Variants in KHDRBS3 observed in about 807,000 individuals in gnomAD.
KHDRBS3 encodes the protein KH domain-containing, RNA-binding, signal transduction-associated protein 3.
KHDRBS3 carries 23 observed loss-of-function variants against 45.6 expected under a neutral mutation model. The ratio of observed to expected loss-of-function variants is 0.50; its 90% CI spans 0.36 to 0.72. KHDRBS3 has a LOEUF of 0.72. Ranked by LOEUF, KHDRBS3 falls within the 30% of genes least tolerant of loss-of-function variation. The probability of loss-of-function intolerance (pLI) is 0.00; values close to 1 mark genes in which losing one functional copy is unlikely to be tolerated. For synonymous variants in KHDRBS3, 162 were observed against 156.5 expected (o/e 1.04, Z -0.26); for missense variants, 352 against 424.8 (o/e 0.83, Z 1.51).
chr8:135,639,357 G>A (rs1251402129), intron 7 of KHDRBS3, among the ~76,000 whole-genome samples: 1 of 152,154 alleles, frequency 6.6e-6, no homozygotes, highest in African/African-American at 2.4e-5. Context: ...AGGAGGTCAG[G>A]TCAGTGGACA....
chr8:135,539,319 A>T (rs1241983949), intron 2 of KHDRBS3: 1 of 152,286 alleles, frequency 6.6e-6, no homozygotes, highest in East Asian at 1.9e-4. Context: ...AGCTCTCAGG[A>T]CATTCAGTAT....
chr8:135,509,311 C>G (rs16905384), intron 1 of KHDRBS3, among the ~76,000 whole-genome samples: 1 of 152,094 alleles, frequency 6.6e-6, no homozygotes, highest in African/African-American at 2.4e-5. Context: ...CTTTGAGAGT[C>G]GGACAATGCT....
intron 1 of KHDRBS3, among the ~76,000 whole-genome samples, chr8:135,466,691 G>A (rs1210250261): frequency 6.6e-6 from 1 of 152,180 alleles, no homozygotes; most frequent in South Asian, 2.1e-4. Context: ...ACTTGAGTGG[G>A]CTGAGACTTG....
intron 7 of KHDRBS3, among the ~76,000 whole-genome samples, chr8:135,643,417 C>T (rs552175770): frequency 1.3e-5 from 2 of 152,234 alleles, no homozygotes; most frequent in African/African-American, 4.8e-5. Flanking sequence ...GGCATGCTGT[C>T]GTGGGAAACC....
downstream of KHDRBS3, among the ~76,000 whole-genome samples, chr8:135,648,798 C>T (rs945461362): frequency 3.9e-5 from 6 of 151,968 alleles, no homozygotes; most frequent in Non-Finnish European, 7.4e-5. Context: ...TCATTATAAG[C>T]GGCAGAGATT....
intron 2 of KHDRBS3, chr8:135,540,771 A>G (rs1586689267): frequency 6.6e-6 from 1 of 152,194 alleles, no homozygotes; most frequent in Non-Finnish European, 1.5e-5. Context: ...TGATAAAATA[A>G]CTCAGCTGCC....
At chr8:135,471,782 C>G (rs1197799498) in intron 1 of KHDRBS3, among the ~76,000 whole-genome samples, 3 of 152,204 alleles carry the variant, frequency 2.0e-5, no homozygotes, top group Non-Finnish European at 4.4e-5. Context: ...TTACAGTGTG[C>G]AGTGAATGCA....
intron 7 of KHDRBS3, among the ~76,000 whole-genome samples, chr8:135,627,120 A>C (rs939650241): frequency 2.6e-5 from 4 of 152,204 alleles, no homozygotes; most frequent in African/African-American, 9.7e-5. Context: ...TTAATCATAA[A>C]TTCAATCAAA....
intron 5 of KHDRBS3, among the ~76,000 whole-genome samples, chr8:135,576,960 T>A (rs1458806987): frequency 1.3e-5 from 2 of 152,180 alleles, no homozygotes; most frequent in African/African-American, 4.8e-5. Flanking sequence ...ATTACTCCAC[T>A]CCACCGTGAG....
chr8:135,568,180 G>A (rs1346485312), intron 5 of KHDRBS3, among the ~76,000 whole-genome samples: 5 of 152,034 alleles, frequency 3.3e-5, no homozygotes, highest in Non-Finnish European at 1.5e-5. Context: ...TCCTTATGCT[G>A]TCTCCATTCT....
At chr8:135,559,286 C>G (rs566715719) in intron 5 of KHDRBS3, among the ~76,000 whole-genome samples, 30 of 152,032 alleles carry the variant, frequency 2.0e-4, no homozygotes, top group Non-Finnish European at 3.8e-4. Context: ...TTAGTTTTAT[C>G]TTTGCTGTGA....
intron 1 of KHDRBS3, among the ~76,000 whole-genome samples, chr8:135,480,984 G>A (rs906858428): frequency 2.0e-5 from 3 of 151,960 alleles, no homozygotes; most frequent in Non-Finnish European, 4.4e-5. Context: ...CTAACCACCA[G>A]CATTATTCTT....
intron 1 of KHDRBS3, among the ~76,000 whole-genome samples, chr8:135,471,834 TGTA>T (rs1362020845): frequency 5.3e-5 from 8 of 152,224 alleles, no homozygotes; most frequent in Admixed American, 3.9e-4. Flanking sequence ...CAGCTACTAG[TGTA>T]GTACCATCCT....
chr8:135,480,473 C>A (rs1822505873), intron 1 of KHDRBS3, among the ~76,000 whole-genome samples: 1 of 152,094 alleles, frequency 6.6e-6, no homozygotes, highest in Non-Finnish European at 1.5e-5. Flanking sequence ...TGGAATATTT[C>A]TTCTGATAAT....
chr8:135,488,795 A>G (rs1586595460), intron 1 of KHDRBS3, among the ~76,000 whole-genome samples: 1 of 152,300 alleles, frequency 6.6e-6, no homozygotes, highest in African/African-American at 2.4e-5. Flanking sequence ...ATTGTAACTT[A>G]AGGAAAAGGG....
rs983119900 is a variant in KHDRBS3 at position 135,607,172 on chromosome 8, G to A, written c.890+135G>A. 1.0e-5 allele frequency: 6 copies of A among 588,296 alleles called. No individual in the cohort carries two copies. In the South Asian group the frequency reaches 1.8e-4, roughly 18 times the overall value. The allele number at this position is 588,296 out of a possible 1,614,324, so 36.4% of individuals were successfully genotyped here. On this transcript the variant is annotated intron_variant, in intron 7 of 8. Transcript: ENST00000355849. Reference sequence around the variant, plus strand: ...CTGTTTTTGTATTTGTTTAAATGGAGAAGCCCTGTCTGTTCTAGCAACCAG... The same window carrying A: ...CTGTTTTTGTATTTGTTTAAATGGAAAAGCCCTGTCTGTTCTAGCAACCAG...
At chr8:135,521,757 T>A (rs1824920963) in intron 2 of KHDRBS3, among the ~76,000 whole-genome samples, 1 of 152,246 alleles carries the variant, frequency 6.6e-6, no homozygotes, top group Admixed American at 6.5e-5. Context: ...GTCTTCTGAA[T>A]GTTCATATAC....
chr8:135,502,722 A>AATT (rs1170719124), intron 1 of KHDRBS3, among the ~76,000 whole-genome samples: 1 of 152,104 alleles, frequency 6.6e-6, no homozygotes, highest in Non-Finnish European at 1.5e-5. Flanking sequence ...TGCTGCTTAG[A>AATT]ATTATTATGT....
intron 5 of KHDRBS3, among the ~76,000 whole-genome samples, chr8:135,562,660 A>G (rs1331517381): frequency 6.6e-6 from 1 of 152,234 alleles, no homozygotes; most frequent in Non-Finnish European, 1.5e-5. Flanking sequence ...GAAAATTACA[A>G]AAACCCAAGG....
Sources: allele counts gnomAD v4.1 joint callset (sites outside exome capture counted in the v4.1 genomes callset), GRCh38; gene constraint gnomAD v4.1.1; transcripts MANE v1.5; gene names NCBI Gene and HGNC (gene_info 2026-07-23, HGNC 2026-07-21).